The following MRPL37 variants were observed in gnomAD, a reference collection of about 807,000 sequenced individuals.
The protein encoded by MRPL37 is large ribosomal subunit protein mL37.
MRPL37 carries 34 observed loss-of-function variants against 44.1 expected under a neutral mutation model. The observed-to-expected ratio is 0.77, with a 90% CI of 0.59 to 1.03. The LOEUF (loss-of-function observed/expected upper bound fraction) is 1.03. Among genes scored for constraint, MRPL37 ranks in the 50% least tolerant of loss-of-function variants. MRPL37 has a pLI of 0.00. For missense variants in MRPL37, 532 were observed against 543.7 expected (o/e 0.98, Z 0.21); for synonymous variants, 212 against 219.5 (o/e 0.97, Z 0.30).
At chr1:54,218,643 G>A (rs908279109), downstream of MRPL37, among the ~76,000 whole-genome samples, 1 of 152,182 alleles carries the variant, frequency 6.6e-6, no homozygotes, top group African/African-American at 2.4e-5. Context: ...GGTTCTTATG[G>A]CATTATTTAA....
chr1:54,221,921 G>C (rs1045496466), downstream of MRPL37, among the ~76,000 whole-genome samples: 1 of 152,166 alleles, frequency 6.6e-6, no homozygotes, highest in Non-Finnish European at 1.5e-5. Flanking sequence ...CGCCCTCTGG[G>C]AGCTCCTGGG....
At chr1:54,209,917 G>T (rs774361382) in intron 3 of MRPL37, 29 bp from the exon 4 acceptor site, 1 of 1,611,250 alleles carries the variant, frequency 6.2e-7, no homozygotes, top group African/African-American at 1.3e-5. Flanking sequence ...TTAGTACCAG[G>T]TTAGAGTAAC....
At chr1:54,209,870 T>C (rs1016487870) in intron 3 of MRPL37, 76 bp from the exon 4 acceptor site, 45 of 1,477,552 alleles carry the variant, frequency 3.0e-5, no homozygotes, top group Non-Finnish European at 4.1e-5. Flanking sequence ...GTGCTGGGAT[T>C]ATAGGCATGA....
At chr1:54,202,140 C>A (rs1644089227) in intron 1 of MRPL37, among the ~76,000 whole-genome samples, 1 of 151,882 alleles carries the variant, frequency 6.6e-6, no homozygotes, top group Admixed American at 6.6e-5. Flanking sequence ...TAGCTGGGAC[C>A]ACAGGCGCAT....
At chr1:54,201,246 A>G (rs945401316) in intron 1 of MRPL37, among the ~76,000 whole-genome samples, 1 of 152,228 alleles carries the variant, frequency 6.6e-6, no homozygotes, top group African/African-American at 2.4e-5. Context: ...AGGTAAGTGG[A>G]AACAGTATTT....
chr1:54,215,198 C>T (rs1644189263), intron 5 of MRPL37, among the ~76,000 whole-genome samples: 1 of 152,178 alleles, frequency 6.6e-6, no homozygotes, highest in South Asian at 2.1e-4. Context: ...CACTGGGACA[C>T]CAGGATTAAA....
chr1:54,219,096 A>C (rs1644217107), downstream of MRPL37, among the ~76,000 whole-genome samples: 1 of 152,216 alleles, frequency 6.6e-6, no homozygotes, highest in African/African-American at 2.4e-5. Flanking sequence ...TGGCGGGCCC[A>C]AGCTCAGTGT....
chr1:54,210,211 AACTTGCTAGG>A (rs1207142536), intron 4 of MRPL37, 80 bp downstream of exon 4: 22 of 1,441,160 alleles, frequency 1.5e-5, no homozygotes, highest in Non-Finnish European at 2.1e-5. Context: ...ATATACTAAG[AACTTGCTAGG>A]TGCTAGGCAC....
intron 1 of MRPL37, among the ~76,000 whole-genome samples, chr1:54,202,798 A>G (rs991661968): frequency 6.6e-6 from 1 of 152,158 alleles, no homozygotes; most frequent in Admixed American, 6.5e-5. Context: ...GCCCAGACAC[A>G]ATTTTCAAAT....
chr1:54,221,300 C>T (rs544684605), downstream of MRPL37, among the ~76,000 whole-genome samples: 1 of 152,142 alleles, frequency 6.6e-6, no homozygotes, highest in Non-Finnish European at 1.5e-5. Flanking sequence ...AGGATCCTCT[C>T]GGGCTTTAGA....
At chr1:54,211,690 A>C (rs1433043237) in intron 4 of MRPL37, among the ~76,000 whole-genome samples, 2 of 152,036 alleles carry the variant, frequency 1.3e-5, no homozygotes, top group Admixed American at 6.6e-5. Flanking sequence ...ATAGGGTCTT[A>C]TTATGTTTTC....
Position 54,212,632 on chromosome 1 carries a change from C to G in MRPL37, c.964C>G (p.Leu322Val), listed in dbSNP as rs2275408. Reference sequence around the variant, plus strand: ...GATCCTGTTTGCTTTTGGCAGTGCCCTGGCTCAGGCCCGGCTCCTCTATGG... The same window carrying G: ...GATCCTGTTTGCTTTTGGCAGTGCCGTGGCTCAGGCCCGGCTCCTCTATGG... ...KMILFAFGSA[L>V]AQARLLYGND... The change falls in exon 5 of 7, where the codon CTG becomes GTG. Residue 322 changes from leucine to valine, a missense_variant. Transcript: ENST00000360840. 19,260 of 1,614,208 alleles carry G rather than the reference C, an allele frequency of 0.012. 1,979 individuals carry two copies. The East Asian group carries it at 0.27, about 22-fold the overall frequency.
chr1:54,223,232 C>T (rs1470597578), downstream of MRPL37, among the ~76,000 whole-genome samples: 2 of 152,210 alleles, frequency 1.3e-5, no homozygotes, highest in Admixed American at 1.3e-4. Flanking sequence ...CAGAGCAACG[C>T]TCATCCGCCT....
At position 54,218,177 on chromosome 1, in the gene MRPL37, T is replaced by C. The variant is rs374019354; in HGVS notation, c.1200T>C (p.Pro400=). 7.4e-6 allele frequency: 12 copies of C among 1,614,166 alleles called. No homozygotes were observed. The highest frequency in any genetic ancestry group is 6.7e-5 in the East Asian group (3 of 44,880). ...PVIKKRVVVE[P]VGPVGFKPET... is the part of the protein sequence containing the mutation. ...ATGAACCGTGTTCTTTCCAGGAACC[T>C]GTTGGCCCAGTTGGTTTCAAGCCAG... Residue 400 remains proline (P), a synonymous_variant, in exon 7 of 7, where the codon CCT becomes CCC. Transcript: ENST00000360840.
At chr1:54,223,780 TG>T (rs1183207828), downstream of MRPL37, among the ~76,000 whole-genome samples, 2 of 152,230 alleles carry the variant, frequency 1.3e-5, no homozygotes, top group Non-Finnish European at 2.9e-5. Flanking sequence ...GTGGAAGGAC[TG>T]GCATGATGCT....
rs755591723 is a variant in MRPL37, at chr1:54,216,215, A to C, written c.1065A>C (p.Leu355=). The change falls in exon 6 of 7, where the codon CTA becomes CTC. Residue 355 remains leucine, a synonymous_variant. Transcript: ENST00000360840. ...VGTDGRVFHF[L]VFQLNTTDLD... Reference sequence around the variant, plus strand: ...CGGATGGACGTGTCTTCCATTTCCTAGTGTTTCAACTGAATACCACAGACC... The same window carrying C: ...CGGATGGACGTGTCTTCCATTTCCTCGTGTTTCAACTGAATACCACAGACC... The C allele has an allele frequency of 5.0e-6, 8 of 1,614,124 alleles. No homozygotes were observed. In the East Asian group the frequency reaches 1.3e-4, roughly 27 times the overall value.
At chr1:54,208,879 T>C (rs900661868) in intron 3 of MRPL37, among the ~76,000 whole-genome samples, 7 of 152,072 alleles carry the variant, frequency 4.6e-5, no homozygotes, top group Non-Finnish European at 8.8e-5. Flanking sequence ...GGAGTTAAAA[T>C]GGCATCTAGT....
Position 54,200,401 on chromosome 1 carries a change from C to T in MRPL37, c.158C>T (p.Pro53Leu), listed in dbSNP as rs139501829. The change falls in exon 1 of 7, where the codon CCT becomes CTT. Residue 53 changes from proline to leucine, a missense_variant. Pro to Leu is a moderately conservative substitution (Grantham distance 98). Coordinates refer to ENST00000360840, the MANE Select transcript of MRPL37 (RefSeq NM_016491.4). ...CCCCTGGATAGGGTGTACGAGATCCCTGGACTGGAGCCCATCACCTTTGCG... is the reference window on the plus strand; with the variant it reads ...CCCCTGGATAGGGTGTACGAGATCCTTGGACTGGAGCCCATCACCTTTGCG... ...PPPLDRVYEI[P>L]GLEPITFAGK... is the part of the protein sequence containing the mutation. The T allele has an allele frequency of 2.6e-3, 4,223 of 1,614,212 alleles. 11 individuals are homozygous for T. Among genetic ancestry groups the T allele is most frequent in the Middle Eastern group, 4.8e-3 (29 of 6,062 alleles).
downstream of MRPL37, among the ~76,000 whole-genome samples, chr1:54,222,566 G>A (rs1035036046): frequency 2.4e-4 from 36 of 152,072 alleles, no homozygotes; most frequent in African/African-American, 8.2e-4. Context: ...TTTTCTTCTC[G>A]TGGTCACCAG....
Sources: gnomAD v4.1 joint callset for allele counts (sites outside exome capture counted in the v4.1 genomes callset) on GRCh38, gnomAD v4.1.1 for gene constraint, MANE v1.5 for transcripts, NCBI Gene and HGNC (gene_info 2026-07-23, HGNC 2026-07-21) for gene names.